ANKRD30A: variants seen among roughly 807,000 people sequenced by gnomAD.
ANKRD30A encodes ankyrin repeat domain 30A.
ANKRD30A carries 170 observed loss-of-function variants against 166.3 expected under a neutral mutation model. That is an observed-to-expected ratio of 1.02 (90% CI 0.90 to 1.16). The LOEUF is 1.16. Among genes scored for constraint, ANKRD30A ranks in the 50% most tolerant of loss-of-function variants. The pLI, the probability that ANKRD30A is intolerant of heterozygous loss-of-function variation, is 0.00. For synonymous variants in ANKRD30A, 564 were observed against 508.9 expected, an observed-to-expected ratio of 1.11 and a Z score of -1.46; for missense variants, 1,630 against 1,518.0, an observed-to-expected ratio of 1.07 and a Z score of -1.23.
At chr10:37,137,587 T>C (rs1250472805) in intron 6 of ANKRD30A, among the ~76,000 whole-genome samples, 1 of 152,178 alleles carries the variant, frequency 6.6e-6, no homozygotes, top group African/African-American at 2.4e-5. Context: ...ATCCCGAGCA[T>C]GGCTCAGAGG....
intron 6 of ANKRD30A, among the ~76,000 whole-genome samples, chr10:37,139,020 C>T (rs1836918248): frequency 6.6e-6 from 1 of 152,198 alleles, no homozygotes; most frequent in African/African-American, 2.4e-5. Context: ...AGACTAACAG[C>T]TGATGTCTCG....
chr10:37,201,155 G>T (rs1841591472), intron 30 of ANKRD30A, 80 bp from the exon 31 acceptor site: 3 of 1,175,358 alleles, frequency 2.6e-6, no homozygotes, highest in East Asian at 3.2e-5. Context: ...TTTAAAAAAA[G>T]ATTTTAATTA....
At chr10:37,248,102 A>G in the ANKRD30A span, 1 of 569,648 alleles carries the variant, frequency 1.8e-6, no homozygotes, top group Non-Finnish European at 3.5e-6. Context: ...TTAATGGCTT[A>G]TTGTTCTCCC....
chr10:37,162,585 A>T (rs1040352673), intron 15 of ANKRD30A, 64 bp from the exon 16 acceptor site: 280 of 1,590,194 alleles, frequency 1.8e-4, no homozygotes, highest in Non-Finnish European at 2.3e-5. Flanking sequence ...CTATCACGGC[A>T]TTCATTTGTG....
Position 37,219,014 on chromosome 10 carries a change from T to C in ANKRD30A, c.3302T>C (p.Leu1101Ser). The C allele has an allele frequency of 6.3e-7, 1 of 1,591,512 alleles. No individual in the cohort carries two copies. The highest frequency in any genetic ancestry group is 1.2e-5 in the South Asian group (1 of 86,528). ...SHTHENENYL[L>S]HENCMLKKEI... ...ACTCATGAAAATGAAAATTATCTCT[T>C]ACATGAAAATTGCATGTTGAAAAAG... The change falls in exon 34 of 36, where the codon TTA becomes TCA. Residue 1101 changes from leucine (L) to serine (S), a missense_variant. Coordinates refer to ENST00000361713, the MANE Select transcript of ANKRD30A (RefSeq NM_052997.3).
intron 34 of ANKRD30A, among the ~76,000 whole-genome samples, chr10:37,220,617 C>T (rs188315069): frequency 6.6e-6 from 1 of 151,022 alleles, no homozygotes; most frequent in African/African-American, 2.4e-5. Flanking sequence ...ATTTAATCAC[C>T]CCACTGGTAT....
At chr10:37,151,173 G>A (rs1189115336) in intron 11 of ANKRD30A, among the ~76,000 whole-genome samples, 2 of 152,112 alleles carry the variant, frequency 1.3e-5, no homozygotes, top group African/African-American at 4.8e-5. Context: ...AGTTGTGCAT[G>A]TTTGCTTTTT....
intron 15 of ANKRD30A, among the ~76,000 whole-genome samples, chr10:37,162,316 A>G (rs1243513663): frequency 6.6e-6 from 1 of 152,156 alleles, no homozygotes. Context: ...GGAATAATAT[A>G]AGTGATTCTA....
In ANKRD30A at chr10:37,125,998, G is replaced by A. The variant is rs751095111; in HGVS notation, c.211G>A (p.Ala71Thr). ...KKTINLNIQD[A>T]QKRTALHWAC... Reference sequence around the variant, plus strand: ...GACCATCAACCTTAATATACAAGACGCCCAGAAGAGGTACCAGGCCCTGCC... The same window carrying A: ...GACCATCAACCTTAATATACAAGACACCCAGAAGAGGTACCAGGCCCTGCC... The change falls in exon 1 of 36, where the codon GCC (alanine) becomes ACC (threonine). Residue 71 changes from alanine to threonine, a missense_variant. Ala to Thr is a moderately conservative substitution (Grantham distance 58). Transcript: ENST00000361713. 6 of 1,571,506 alleles carry A rather than the reference G, an allele frequency of 3.8e-6. No homozygotes were observed. The highest frequency in any genetic ancestry group is 1.1e-5 in the South Asian group (1 of 90,610).
intron 13 of ANKRD30A, among the ~76,000 whole-genome samples, chr10:37,154,984 G>A (rs1838252510): frequency 6.6e-6 from 1 of 152,220 alleles, no homozygotes; most frequent in Admixed American, 6.5e-5. Context: ...TTGAATGTAA[G>A]AACCTTGGCT....
chr10:37,191,642 G>T (rs1318925770), intron 25 of ANKRD30A, among the ~76,000 whole-genome samples: 1 of 151,952 alleles, frequency 6.6e-6, no homozygotes, highest in Non-Finnish European at 1.5e-5. Context: ...GTACAATGTT[G>T]TTGTCATTCT....
At chr10:37,203,946 T>A (rs1841820353) in intron 31 of ANKRD30A, among the ~76,000 whole-genome samples, 2 of 152,128 alleles carry the variant, frequency 1.3e-5, no homozygotes, top group South Asian at 4.2e-4. Flanking sequence ...GTGAAGGACC[T>A]CTTCAAGGAG....
chr10:37,204,789 G>T (rs1841879530), intron 31 of ANKRD30A, among the ~76,000 whole-genome samples: 1 of 152,102 alleles, frequency 6.6e-6, no homozygotes, highest in African/African-American at 2.4e-5. Context: ...GTGGGCAAAG[G>T]ATATGAACAG....
At position 37,136,831 on chromosome 10, in the gene ANKRD30A, G is replaced by GTGTGTGTATA. The variant is rs67891035; in HGVS notation, c.820+161_820+162insGTGTGTATAT. The stretch of plus-strand genomic sequence containing the variant: ...TGTGTGTATGTGTGTGTGTGTGTGT[G>GTGTGTGTATA]TATATATATATATATATATAGCTTT... On this transcript the variant is annotated intron_variant, in intron 6 of 35. Transcript: ENST00000361713. 7.7e-5 allele frequency among the ~76,000 whole-genome samples: 11 copies of GTGTGTGTATA among 141,986 alleles called. No homozygotes were observed. In the East Asian group the frequency reaches 1.7e-3, roughly 22 times the overall value. The allele number at this position is 141,986 out of a possible 152,430, so 93.1% of individuals were successfully genotyped here. A position where few individuals can be genotyped will look rare whatever the true frequency, so the allele number is the denominator to read the frequency against.
chr10:37,140,769 TA>T (rs903086412), intron 6 of ANKRD30A, among the ~76,000 whole-genome samples: 1 of 152,194 alleles, frequency 6.6e-6, no homozygotes, highest in African/African-American at 2.4e-5. Context: ...CTATGATACC[TA>T]AATGTGACAT....
chr10:37,211,121 C>A (rs368294358), intron 31 of ANKRD30A, among the ~76,000 whole-genome samples: 2 of 151,524 alleles, frequency 1.3e-5, no homozygotes, highest in South Asian at 2.1e-4. Context: ...AGTGTTTAAT[C>A]CATCTTTTTT....
chr10:37,125,973 G>C lies in ANKRD30A; in HGVS notation c.186G>C (p.Lys62Asn). 6.2e-7 allele frequency: 1 copy of C among 1,609,482 alleles called. No homozygotes were observed. The highest frequency in any genetic ancestry group is 8.5e-7 in the Non-Finnish European group (1 of 1,178,762). The change falls in exon 1 of 36, where the codon AAG becomes AAC. Residue 62 changes from lysine to asparagine, a missense_variant. Coordinates refer to ENST00000361713, the MANE Select transcript of ANKRD30A (RefSeq NM_052997.3). Reference sequence around the variant, plus strand: ...TGGAGAAGATGACAAAGAGGAAGAAGACCATCAACCTTAATATACAAGACG... The same window carrying C: ...TGGAGAAGATGACAAAGAGGAAGAACACCATCAACCTTAATATACAAGACG... ...RKLEKMTKRK[K>N]TINLNIQDAQ...
chr10:37,204,862 C>A (rs187129824), intron 31 of ANKRD30A, among the ~76,000 whole-genome samples: 3 of 152,220 alleles, frequency 2.0e-5, no homozygotes, highest in Non-Finnish European at 4.4e-5. Context: ...TCATCATCAC[C>A]TGTCATCAGA....
the ANKRD30A span, among the ~76,000 whole-genome samples, chr10:37,264,857 A>AT: frequency 1.3e-5 from 2 of 152,212 alleles, no homozygotes. Flanking sequence ...TTAAAGTATT[A>AT]TAAAAAGTCA....
Sources: gnomAD v4.1 joint callset for allele counts (sites outside exome capture counted in the v4.1 genomes callset) on GRCh38, gnomAD v4.1.1 for gene constraint, MANE v1.5 for transcripts, NCBI Gene and HGNC (gene_info 2026-07-23, HGNC 2026-07-21) for gene names.